The following CCDC171 variants were observed in gnomAD, a reference collection of about 807,000 sequenced individuals.
CCDC171 encodes the protein coiled-coil domain-containing protein 171.
Under a neutral mutation model 168.2 loss-of-function variants are expected in CCDC171, and 177 were observed. That is an observed-to-expected ratio of 1.05 (90% confidence interval 0.93 to 1.19). The LOEUF is 1.19. Ranked by LOEUF, CCDC171 falls within the 50% of genes most tolerant of loss-of-function variation. The probability of loss-of-function intolerance (pLI) is 0.00; values close to 1 mark genes in which losing one functional copy is unlikely to be tolerated. For synonymous variants in CCDC171, 687 were observed against 540.8 expected, an observed-to-expected ratio of 1.27 and a Z score of -3.75; for missense variants, 1,991 against 1,539.0, an observed-to-expected ratio of 1.29 and a Z score of -4.91.
intron 7 of CCDC171, among the ~76,000 whole-genome samples, chr9:15,644,274 G>A (rs920510785): frequency 2.0e-5 from 3 of 152,168 alleles, no homozygotes; most frequent in South Asian, 2.1e-4. Context: ...GGTCCAAGAT[G>A]GCCGAATAGG....
intron 11 of CCDC171, among the ~76,000 whole-genome samples, chr9:15,697,220 A>C (rs2051283610): frequency 6.6e-6 from 1 of 152,204 alleles, no homozygotes; most frequent in East Asian, 1.9e-4. Context: ...ATTTTTCAGC[A>C]GCCACAGTGC....
intron 3 of CCDC171, among the ~76,000 whole-genome samples, chr9:16,018,022 T>A (rs1471662888): frequency 6.6e-6 from 1 of 152,184 alleles, no homozygotes. Flanking sequence ...CATTCCAAAT[T>A]AAATAACATC....
At chr9:16,019,791 G>A (rs1207977795) in intron 3 of CCDC171, among the ~76,000 whole-genome samples, 1 of 152,170 alleles carries the variant, frequency 6.6e-6, no homozygotes, top group Non-Finnish European at 1.5e-5. Context: ...TTACAAGTGT[G>A]TGAATTCATT....
At chr9:15,927,160 C>T (rs146804358) in intron 25 of CCDC171, among the ~76,000 whole-genome samples, 409 of 151,682 alleles carry the variant, frequency 2.7e-3, no homozygotes, top group Non-Finnish European at 4.5e-3. Context: ...TTTTTAGCAA[C>T]ACACAATAAT....
At chr9:15,902,571 T>C (rs1018404475) in intron 24 of CCDC171, among the ~76,000 whole-genome samples, 6 of 144,764 alleles carry the variant, frequency 4.1e-5, no homozygotes, top group Non-Finnish European at 9.1e-5. Flanking sequence ...GATGGCTGAA[T>C]AGGAACAGCT....
intron 19 of CCDC171, among the ~76,000 whole-genome samples, chr9:15,778,331 A>AT: frequency 8.3e-6 from 1 of 119,810 alleles, no homozygotes; most frequent in African/African-American, 3.3e-5. Context: ...AAAAAAAAAA[A>AT]AAAAAAAAAA....
At chr9:16,107,137 C>G in the CCDC171 span, among the ~76,000 whole-genome samples, 1 of 151,868 alleles carries the variant, frequency 6.6e-6, no homozygotes, top group Non-Finnish European at 1.5e-5. Flanking sequence ...CATTTTTTTC[C>G]TAATCACCCT....
At chr9:15,892,518 G>T (rs577907186) in intron 24 of CCDC171, among the ~76,000 whole-genome samples, 1 of 151,998 alleles carries the variant, frequency 6.6e-6, no homozygotes, top group Admixed American at 6.6e-5. Flanking sequence ...TATTGATTTG[G>T]TTATGTTGAA....
At chr9:15,713,616 C>A (rs1342042453) in intron 11 of CCDC171, among the ~76,000 whole-genome samples, 1 of 152,028 alleles carries the variant, frequency 6.6e-6, no homozygotes, top group East Asian at 1.9e-4. Flanking sequence ...GGACCAGTAG[C>A]AAGTCCAAAG....
chr9:15,738,823 A>G (rs780812876), intron 16 of CCDC171, among the ~76,000 whole-genome samples: 2 of 152,072 alleles, frequency 1.3e-5, no homozygotes, highest in South Asian at 2.1e-4. Flanking sequence ...TTTTTAAATT[A>G]TATTTTTCTT....
intron 10 of CCDC171, among the ~76,000 whole-genome samples, chr9:15,693,146 C>G (rs562794607): frequency 4.6e-5 from 7 of 151,988 alleles, no homozygotes; most frequent in African/African-American, 1.7e-4. Context: ...CAAAACAAAA[C>G]AAAACAAAAC....
At chr9:15,728,185 A>T in intron 15 of CCDC171, 149 bp downstream of exon 15, 2 of 645,802 alleles carry the variant, frequency 3.1e-6, no homozygotes, top group Non-Finnish European at 5.0e-6. Context: ...CTTGTCTACA[A>T]CTCAGTTTGA....
intron 2 of CCDC171, among the ~76,000 whole-genome samples, chr9:15,564,434 T>A (rs893800842): frequency 6.6e-6 from 1 of 152,274 alleles, no homozygotes; most frequent in Non-Finnish European, 1.5e-5. Flanking sequence ...TTGTATTTTT[T>A]ATTTATATTT....
the CCDC171 span, among the ~76,000 whole-genome samples, chr9:16,100,256 A>G: frequency 6.6e-6 from 1 of 152,206 alleles, no homozygotes; most frequent in African/African-American, 2.4e-5. Context: ...TGATGATATT[A>G]ATTCTAATAA....
Position 15,816,964 on chromosome 9 carries a change from G to T in CCDC171, c.3268-29738G>T, listed in dbSNP as rs1294551861. Among the ~76,000 whole-genome samples the T allele has an allele frequency of 1.7e-5, 2 of 118,156 alleles. 1 individual carries two copies. Among genetic ancestry groups the T allele is most frequent in the Non-Finnish European group, 3.8e-5 (2 of 52,532 alleles). The allele number at this position is 118,156 out of a possible 152,430, so 77.5% of individuals were successfully genotyped here. On this transcript the variant is annotated intron_variant, in intron 21 of 25. Transcript: ENST00000380701. ...TAGCTGATTATATTCTCAGGATAGA[G>T]CTCAAGAAGCAGACTGAGTCAAAAG... is the stretch of plus-strand genomic sequence containing the variant.
intron 7 of CCDC171, among the ~76,000 whole-genome samples, chr9:15,654,322 T>C (rs1385396201): frequency 3.3e-5 from 5 of 152,212 alleles, no homozygotes; most frequent in African/African-American, 1.2e-4. Context: ...GTGATTTTCA[T>C]GTTTGCAAAA....
At chr9:15,603,993 C>A (rs2043048736) in intron 6 of CCDC171, among the ~76,000 whole-genome samples, 1 of 151,970 alleles carries the variant, frequency 6.6e-6, no homozygotes, top group East Asian at 1.9e-4. Flanking sequence ...TTGCATTTCT[C>A]TGATGATCAG....
At chr9:15,873,180 C>T (rs977165872) in intron 23 of CCDC171, among the ~76,000 whole-genome samples, 21 of 151,826 alleles carry the variant, frequency 1.4e-4, no homozygotes, top group African/African-American at 4.8e-4. Flanking sequence ...TTAAAGATGC[C>T]GTTATATGTT....
At chr9:15,557,075 G>C (rs1192328564) in intron 1 of CCDC171, among the ~76,000 whole-genome samples, 3 of 151,916 alleles carry the variant, frequency 2.0e-5, no homozygotes, top group Admixed American at 2.0e-4. Flanking sequence ...ATTTCTGAGG[G>C]CTCTATTCTG....
Sources: gnomAD v4.1 joint callset for allele counts (sites outside exome capture counted in the v4.1 genomes callset) on GRCh38, gnomAD v4.1.1 for gene constraint, MANE v1.5 for transcripts, NCBI Gene and HGNC (gene_info 2026-07-23, HGNC 2026-07-21) for gene names.